Variants in SPON1 observed in about 807,000 individuals in gnomAD.
The protein encoded by SPON1 is spondin 1.
In SPON1, 52 loss-of-function variants were observed where a neutral mutation model predicts 111.7. The observed-to-expected ratio is 0.47, with a 90% CI of 0.37 to 0.59. SPON1 has a LOEUF of 0.59. Among genes scored for constraint, SPON1 ranks in the 20% least tolerant of loss-of-function variants. The probability of loss-of-function intolerance (pLI) is 0.00; values close to 1 mark genes in which losing one functional copy is unlikely to be tolerated. For synonymous variants in SPON1, 410 were observed against 395.8 expected, an observed-to-expected ratio of 1.04 and a Z score of -0.43; for missense variants, 957 against 1,068.5, an observed-to-expected ratio of 0.90 and a Z score of 1.46.
intron 3 of SPON1, among the ~76,000 whole-genome samples, chr11:14,058,165 C>A (rs7101424): frequency 0.028 from 4,215 of 152,092 alleles, 188 homozygotes; most frequent in African/African-American, 0.097. Flanking sequence ...GATGAGAAGA[C>A]ACTGGGTTCA....
rs532860577 is a variant in SPON1 at position 13,996,752 on chromosome 11, G to T, written c.345+13799G>T. ...ACACACACCTATATATATAATTTTT[G>T]AACAGAATATTGGAACCATTCTCTA... On this transcript the variant is annotated intron_variant, in intron 2 of 15. Transcript: ENST00000576479. Among the ~76,000 whole-genome samples, 3 of 151,152 alleles carry T rather than the reference G, an allele frequency of 2.0e-5. No individual in the cohort carries two copies. The South Asian group carries it at 6.3e-4, about 32-fold the overall frequency.
At chr11:14,224,438 TA>T (rs201318449) in intron 6 of SPON1, among the ~76,000 whole-genome samples, 6 of 151,834 alleles carry the variant, frequency 4.0e-5, no homozygotes, top group East Asian at 1.9e-4. Context: ...CAAAGAAGCT[TA>T]AAAAAAACAA....
At position 14,262,805 on chromosome 11, in the gene SPON1, T is replaced by C; in HGVS notation, c.2090T>C (p.Met697Thr). 1 of 1,613,906 alleles carries C rather than the reference T, an allele frequency of 6.2e-7. No homozygotes were observed. Among genetic ancestry groups the C allele is most frequent in the Non-Finnish European group, 8.5e-7 (1 of 1,179,870 alleles). ...GHVIRTRMIQ[M>T]EPQFGGAPCP... is the part of the protein sequence containing the mutation. Reference sequence around the variant, plus strand: ...GTGATTCGAACCCGGATGATCCAAATGGAGCCTCAGTTTGGAGGTGCACCC... The same window carrying C: ...GTGATTCGAACCCGGATGATCCAAACGGAGCCTCAGTTTGGAGGTGCACCC... Residue 697 changes from methionine (M) to threonine (T), a missense_variant, in exon 15 of 16, where the codon ATG (methionine) becomes ACG (threonine). Physicochemically the swap from Met to Thr is moderately conservative, Grantham distance 81 (BLOSUM62 -1). Around this residue, in one of 5 missense-constraint regions of SPON1, gnomAD observed 549 missense variants for 606.2 expected, o/e 0.91. Transcript: ENST00000576479.
chr11:14,142,612 C>T (rs1847669366), intron 6 of SPON1, among the ~76,000 whole-genome samples: 1 of 152,216 alleles, frequency 6.6e-6, no homozygotes, highest in Admixed American at 6.5e-5. Context: ...TCAGGATGCT[C>T]GCTGGAGCTA....
intron 2 of SPON1, among the ~76,000 whole-genome samples, chr11:14,028,000 C>T (rs1473173587): frequency 6.6e-6 from 1 of 152,160 alleles, no homozygotes; most frequent in African/African-American, 2.4e-5. Flanking sequence ...TCAAAACTGA[C>T]AGCAGGTCCT....
At chr11:14,139,080 A>T (rs1332837426) in intron 6 of SPON1, among the ~76,000 whole-genome samples, 2 of 152,140 alleles carry the variant, frequency 1.3e-5, no homozygotes, top group Non-Finnish European at 2.9e-5. Flanking sequence ...CTTGACCCTA[A>T]GATAAAGTCC....
At chr11:14,139,218 G>A (rs1311398196) in intron 6 of SPON1, among the ~76,000 whole-genome samples, 2 of 152,170 alleles carry the variant, frequency 1.3e-5, no homozygotes, top group Non-Finnish European at 2.9e-5. Flanking sequence ...CAAGGGCCAT[G>A]CCCTTCTTGT....
intron 5 of SPON1, among the ~76,000 whole-genome samples, chr11:14,112,763 T>C (rs1311203216): frequency 1.3e-5 from 2 of 152,188 alleles, no homozygotes; most frequent in Non-Finnish European, 2.9e-5. Flanking sequence ...ATGGCCTTTT[T>C]CCCCAGCAAG....
chr11:13,968,401 GA>G (rs1848036051), intron 1 of SPON1, among the ~76,000 whole-genome samples: 1 of 152,222 alleles, frequency 6.6e-6, no homozygotes, highest in South Asian at 2.1e-4. Context: ...GTGTAGCTAT[GA>G]AGTACTTGAA....
chr11:14,098,662 GAGA>G (rs1345415878), intron 5 of SPON1, among the ~76,000 whole-genome samples: 1 of 149,752 alleles, frequency 6.7e-6, no homozygotes, highest in Non-Finnish European at 1.5e-5. Flanking sequence ...CAGAGAGAGA[GAGA>G]GGGGTGGGAA....
At chr11:14,042,874 C>T (rs547117034) in intron 3 of SPON1, among the ~76,000 whole-genome samples, 2 of 152,330 alleles carry the variant, frequency 1.3e-5, no homozygotes, top group Non-Finnish European at 2.9e-5. Context: ...ATTGTCCAGA[C>T]TCACCCGTCA....
At chr11:14,109,321 T>C (rs1849209590) in intron 5 of SPON1, among the ~76,000 whole-genome samples, 1 of 152,148 alleles carries the variant, frequency 6.6e-6, no homozygotes, top group African/African-American at 2.4e-5. Flanking sequence ...CAGGTTTCCC[T>C]AGGGTTATGT....
rs1165313121 is a variant in SPON1, at chr11:14,156,113, G to A, written c.825+20545G>A. ...GAACTAGTTTACAGTCCCACCAACA[G>A]TGTAAAAGTGTTCCTATTTCTCCAC... On this transcript the variant is annotated intron_variant, in intron 6 of 15. Transcript: ENST00000576479. Among the ~76,000 whole-genome samples, 4 of 123,112 alleles carry A rather than the reference G, an allele frequency of 3.2e-5. 1 individual carries two copies. Among genetic ancestry groups the A allele is most frequent in the African/African-American group, 1.1e-4 (4 of 34,940 alleles). 80.8% of individuals were successfully genotyped at this position (123,112 alleles called of 152,430 possible).
chr11:14,177,823 C>G (rs1400610464), intron 6 of SPON1, among the ~76,000 whole-genome samples: 1 of 152,136 alleles, frequency 6.6e-6, no homozygotes, highest in Non-Finnish European at 1.5e-5. Flanking sequence ...TGAACAAGGA[C>G]AGCCTGAAGG....
intron 2 of SPON1, among the ~76,000 whole-genome samples, chr11:13,985,327 C>T (rs1453727210): frequency 2.6e-5 from 4 of 152,224 alleles, no homozygotes; most frequent in Non-Finnish European, 4.4e-5. Context: ...ACGACAATAG[C>T]TAACACTTAA....
At chr11:14,148,751 G>A (rs577586156) in intron 6 of SPON1, among the ~76,000 whole-genome samples, 3 of 152,292 alleles carry the variant, frequency 2.0e-5, no homozygotes, top group South Asian at 2.1e-4. Flanking sequence ...CCCTGAAAAC[G>A]TCACTCTGGT....
Position 14,260,632 on chromosome 11 carries a change from T to A in SPON1, c.1876T>A (p.Cys626Ser). 6.2e-7 allele frequency: 1 copy of A among 1,613,990 alleles called. No individual in the cohort carries two copies. Among genetic ancestry groups the A allele is most frequent in the Non-Finnish European group, 8.5e-7 (1 of 1,179,880 alleles). The change falls in exon 14 of 16, where the codon TGC becomes AGC. Residue 626 changes from cysteine (C) to serine (S), a missense_variant. This residue lies in a region of SPON1 where 549 missense variants were observed against 606.2 expected (regional missense o/e 0.91). Coordinates refer to ENST00000576479, the MANE Select transcript of SPON1 (RefSeq NM_006108.4). ...LLSPWSEWSD[C>S]SVTCGKGMRT... ...GTCCCCATGGTCCGAGTGGAGTGAC[T>A]GCAGCGTGACCTGCGGGAAGGGCAT...
chr11:14,074,122 CT>C (rs1215673105), intron 3 of SPON1, among the ~76,000 whole-genome samples: 1 of 152,220 alleles, frequency 6.6e-6, no homozygotes, highest in Non-Finnish European at 1.5e-5. Context: ...AGGAAACTTT[CT>C]TTTGCTTCAT....
At chr11:14,155,511 T>TTAG in intron 6 of SPON1, among the ~76,000 whole-genome samples, 1 of 138,804 alleles carries the variant, frequency 7.2e-6, no homozygotes. Context: ...TATTTTATTA[T>TTAG]TATTATACTT....
Sources: allele counts gnomAD v4.1 joint callset (sites outside exome capture counted in the v4.1 genomes callset), GRCh38; gene constraint gnomAD v4.1.1; regional missense constraint gnomAD v4.1.1; transcripts MANE v1.5; gene names NCBI Gene and HGNC (gene_info 2026-07-23, HGNC 2026-07-21).